Variants in NRXN1 observed in about 807,000 individuals in gnomAD.
NRXN1 encodes the protein neurexin 1, also known as neurexin-1.
In NRXN1, 39 loss-of-function variants were observed where a neutral mutation model predicts 150.9. The ratio of observed to expected loss-of-function variants is 0.26; its 90% CI spans 0.20 to 0.34. The LOEUF (loss-of-function observed/expected upper bound fraction) is 0.34, where lower values mean the gene tolerates loss of function less well. Ranked by LOEUF, NRXN1 falls within the 10% of genes least tolerant of loss-of-function variation. The pLI is 1.00. For synonymous variants in NRXN1, 924 were observed against 757.0 expected (o/e 1.22, Z -3.62); for missense variants, 1,815 against 1,949.9 (o/e 0.93, Z 1.30).
chr2:50,132,323 T>A (rs1416698568), intron 18 of NRXN1, among the ~76,000 whole-genome samples: 1 of 136,448 alleles, frequency 7.3e-6, no homozygotes, highest in African/African-American at 2.7e-5. Flanking sequence ...TTTTTTTTTT[T>A]AAGATGGAGT....
Position 50,335,333 on chromosome 2 carries a change from G to A in NRXN1, c.3365-98363C>T, listed in dbSNP as rs17040468. Among the ~76,000 whole-genome samples, 29 of 152,252 alleles carry A rather than the reference G, an allele frequency of 1.9e-4. No individual in the cohort carries two copies. The East Asian group carries it at 5.6e-3, about 29-fold the overall frequency. On this transcript the variant is annotated intron_variant, in intron 17 of 22. Transcript: ENST00000401669. Reference sequence around the variant, plus strand: ...TTGGCTAAGGTATACGCATCAAAATGGCCACAGTAAAGGAAGTGACATTAG... The same window carrying A: ...TTGGCTAAGGTATACGCATCAAAATAGCCACAGTAAAGGAAGTGACATTAG...
chr2:51,016,526 G>A (rs1412662782), intron 2 of NRXN1, among the ~76,000 whole-genome samples: 2 of 152,166 alleles, frequency 1.3e-5, no homozygotes, highest in Non-Finnish European at 2.9e-5. Context: ...CTGGTCATTA[G>A]AGAAATGCAA....
At chr2:50,100,443 T>C (rs1384165324) in intron 18 of NRXN1, among the ~76,000 whole-genome samples, 1 of 152,106 alleles carries the variant, frequency 6.6e-6, no homozygotes, top group African/African-American at 2.4e-5. Flanking sequence ...TCAAGATGAA[T>C]TTAGTCCACT....
chr2:50,357,526 T>G (rs2078906253), intron 17 of NRXN1, among the ~76,000 whole-genome samples: 3 of 151,960 alleles, frequency 2.0e-5, no homozygotes, highest in East Asian at 3.9e-4. Context: ...CAGGCTGATC[T>G]CGAACTCCCA....
intron 18 of NRXN1, among the ~76,000 whole-genome samples, chr2:50,149,027 C>G (rs1285935354): frequency 6.6e-6 from 1 of 151,720 alleles, no homozygotes; most frequent in Non-Finnish European, 1.5e-5. Context: ...TCTCTAAGAG[C>G]ATAGCATAAA....
intron 5 of NRXN1, among the ~76,000 whole-genome samples, chr2:50,880,362 C>T (rs1474928349): frequency 6.6e-6 from 1 of 151,908 alleles, no homozygotes; most frequent in Non-Finnish European, 1.5e-5. Context: ...ACATTTCTTG[C>T]TTGTCAAGTT....
chr2:49,979,958 T>G (rs933318970), intron 21 of NRXN1, among the ~76,000 whole-genome samples: 13 of 151,610 alleles, frequency 8.6e-5, no homozygotes, highest in Admixed American at 5.3e-4. Flanking sequence ...CTTACTCTGG[T>G]TGTTTATCTA....
At chr2:50,147,272 G>A (rs2058398398) in intron 18 of NRXN1, among the ~76,000 whole-genome samples, 1 of 151,570 alleles carries the variant, frequency 6.6e-6, no homozygotes, top group Non-Finnish European at 1.5e-5. Context: ...AAGATTCCTA[G>A]GAAAAGCTAA....
chr2:50,509,522 T>A (rs1474199783), intron 12 of NRXN1, among the ~76,000 whole-genome samples: 1 of 152,220 alleles, frequency 6.6e-6, no homozygotes, highest in Non-Finnish European at 1.5e-5. Context: ...TCTGGTGGTC[T>A]CAGCATTCCC....
intron 5 of NRXN1, among the ~76,000 whole-genome samples, chr2:50,860,555 T>C (rs1207163119): frequency 6.6e-6 from 1 of 152,052 alleles, no homozygotes; most frequent in Non-Finnish European, 1.5e-5. Context: ...GTATAGGGCA[T>C]GTGGGCACTT....
chr2:50,816,777 C>T (rs1006686234), intron 5 of NRXN1, among the ~76,000 whole-genome samples: 1 of 152,068 alleles, frequency 6.6e-6, no homozygotes, highest in Non-Finnish European at 1.5e-5. Flanking sequence ...TACGGAGAGC[C>T]TGAACAAGTA....
intron 18 of NRXN1, among the ~76,000 whole-genome samples, chr2:50,118,026 C>G (rs1323350197): frequency 6.6e-6 from 1 of 152,140 alleles, no homozygotes; most frequent in East Asian, 1.9e-4. Flanking sequence ...ATTGTAAGAA[C>G]TATGTCCTCT....
intron 5 of NRXN1, among the ~76,000 whole-genome samples, chr2:50,649,102 T>C (rs1395427564): frequency 6.6e-6 from 1 of 151,834 alleles, no homozygotes; most frequent in Non-Finnish European, 1.5e-5. Flanking sequence ...TGCCTGAGAG[T>C]TTCTATTTTT....
intron 18 of NRXN1, among the ~76,000 whole-genome samples, chr2:50,107,234 GA>G (rs1701772122): frequency 7.0e-6 from 1 of 143,704 alleles, no homozygotes; most frequent in Non-Finnish European, 1.5e-5. Flanking sequence ...TCTTTGGAAG[GA>G]CATGCATTAC....
chr2:49,934,781 C>A (rs1027994447), intron 22 of NRXN1, among the ~76,000 whole-genome samples: 6 of 152,090 alleles, frequency 3.9e-5, no homozygotes, highest in Non-Finnish European at 7.4e-5. Context: ...AAAGCACTCT[C>A]CCTTTCTCTC....
intron 8 of NRXN1, among the ~76,000 whole-genome samples, chr2:50,591,393 T>TAGAC (rs1674192206): frequency 7.6e-6 from 1 of 131,606 alleles, no homozygotes; most frequent in African/African-American, 2.8e-5. Flanking sequence ...GATAGATAGA[T>TAGAC]AGATAGATAG....
At chr2:50,425,798 C>A (rs2084430413) in intron 17 of NRXN1, among the ~76,000 whole-genome samples, 1 of 152,118 alleles carries the variant, frequency 6.6e-6, no homozygotes, top group African/African-American at 2.4e-5. Context: ...TAGGTTACCC[C>A]CGACAGGGCC....
chr2:50,816,317 T>C (rs718550), intron 5 of NRXN1, among the ~76,000 whole-genome samples: 84,299 of 151,844 alleles, frequency 0.56, 25,320 homozygotes, highest in Non-Finnish European at 0.68. Flanking sequence ...AGTCTACACA[T>C]TTCAGTGTCT....
intron 5 of NRXN1, among the ~76,000 whole-genome samples, chr2:50,740,866 G>A (rs867823645): frequency 7.2e-5 from 11 of 152,110 alleles, no homozygotes; most frequent in South Asian, 4.1e-4. Context: ...TTCACTTTTG[G>A]AGTATCTGTC....
Sources: allele counts gnomAD v4.1 joint callset (sites outside exome capture counted in the v4.1 genomes callset), GRCh38; gene constraint gnomAD v4.1.1; transcripts MANE v1.5; gene names NCBI Gene and HGNC (gene_info 2026-07-23, HGNC 2026-07-21).